The following LDAH variants were observed in gnomAD, a reference collection of about 807,000 sequenced individuals.
The protein encoded by LDAH is lipid droplet-associated hydrolase.
LDAH carries 26 observed loss-of-function variants against 29.6 expected under a neutral mutation model. That is an observed-to-expected ratio of 0.88 (90% CI 0.64 to 1.22). The LOEUF is 1.22. Ranked by LOEUF, LDAH falls within the 50% of genes most tolerant of loss-of-function variation. The probability of loss-of-function intolerance (pLI) is 0.00; values close to 1 mark genes in which losing one functional copy is unlikely to be tolerated. For missense variants in LDAH, 344 were observed against 387.3 expected (o/e 0.89, Z 0.94); for synonymous variants, 117 against 133.0 (o/e 0.88, Z 0.83).
At chr2:20,699,922 C>T (rs1663792975) in intron 6 of LDAH, among the ~76,000 whole-genome samples, 1 of 152,180 alleles carries the variant, frequency 6.6e-6, no homozygotes, top group African/African-American at 2.4e-5. Context: ...AACACACAAG[C>T]TGAATCCAGA....
intron 5 of LDAH, among the ~76,000 whole-genome samples, chr2:20,716,720 G>GTATATATATATATATAGATATATATA (rs1362301507): frequency 7.6e-6 from 1 of 131,294 alleles, no homozygotes; most frequent in Non-Finnish European, 1.7e-5. Context: ...AGAACTTTAA[G>GTATATATATATATATAGATATATATA]TATATATACA....
chr2:20,705,717 CAT>C (rs1664254129), intron 5 of LDAH, among the ~76,000 whole-genome samples: 1 of 152,138 alleles, frequency 6.6e-6, no homozygotes, highest in African/African-American at 2.4e-5. Context: ...CTACTATAAA[CAT>C]GTGCTCTGTA....
chr2:20,743,325 T>TTA (rs1558434340), intron 4 of LDAH, among the ~76,000 whole-genome samples: 5 of 145,466 alleles, frequency 3.4e-5, no homozygotes, highest in African/African-American at 1.4e-4. Flanking sequence ...TTTTTTTTTT[T>TTA]TTATTATACT....
chr2:20,700,104 T>C (rs1025618375), intron 6 of LDAH, among the ~76,000 whole-genome samples: 10 of 152,250 alleles, frequency 6.6e-5, no homozygotes, highest in African/African-American at 2.2e-4. Flanking sequence ...AGAACTTAAA[T>C]GCATTTTTGA....
chr2:20,685,068 A>G lies in LDAH; in HGVS notation c.*1835T>C. The G allele has an allele frequency of 1.0e-6, 1 of 984,940 alleles. No homozygotes were observed. The highest frequency in any genetic ancestry group is 2.9e-5 in the South Asian group (1 of 34,624). 61.0% of individuals were successfully genotyped at this position (984,940 alleles called of 1,614,324 possible). On this transcript the variant is annotated 3_prime_UTR_variant, in exon 7 of 7. Transcript: ENST00000237822. Reference sequence around the variant, plus strand: ...AGACCAGGTCAGAAATGCTGGTAAAACATTTATTTCAAAAATTCATTTGGT... The same window carrying G: ...AGACCAGGTCAGAAATGCTGGTAAAGCATTTATTTCAAAAATTCATTTGGT...
chr2:20,775,071 T>C, intron 3 of LDAH, 92 bp from the exon 4 acceptor site: 2 of 1,155,348 alleles, frequency 1.7e-6, no homozygotes, highest in South Asian at 1.6e-5. Context: ...TAAAAAGCAG[T>C]TACCATTTAT....
chr2:20,737,375 G>C (rs1666863584), intron 5 of LDAH, among the ~76,000 whole-genome samples: 1 of 152,126 alleles, frequency 6.6e-6, no homozygotes, highest in Non-Finnish European at 1.5e-5. Flanking sequence ...CATAACTGAA[G>C]AATGCTTTAT....
chr2:20,813,329 G>A lies in LDAH; in HGVS notation c.-3+9708C>T, dbSNP rs114388785. Among the ~76,000 whole-genome samples, 944 of 152,214 alleles carry A rather than the reference G, an allele frequency of 6.2e-3. 14 individuals carry two copies. The highest frequency in any genetic ancestry group is 0.021 in the African/African-American group (882 of 41,556). On this transcript the variant is annotated intron_variant, in intron 1 of 6. Transcript: ENST00000237822. ...GTATTTTTTCATGAATGAGTTGCCAGTGTTTGACAAATAGTAGCATATTAT... is the reference window on the plus strand; with the variant it reads ...GTATTTTTTCATGAATGAGTTGCCAATGTTTGACAAATAGTAGCATATTAT...
intron 4 of LDAH, among the ~76,000 whole-genome samples, chr2:20,743,753 C>T (rs536951923): frequency 6.6e-6 from 1 of 151,828 alleles, no homozygotes; most frequent in East Asian, 1.9e-4. Flanking sequence ...TGATGTCTGA[C>T]ATTAATTTAA....
intron 4 of LDAH, among the ~76,000 whole-genome samples, chr2:20,746,466 C>A (rs1437406): frequency 6.6e-6 from 1 of 151,916 alleles, no homozygotes; most frequent in Non-Finnish European, 1.5e-5. Context: ...ACATTGAATG[C>A]GTCACTGCCT....
At chr2:20,741,511 T>C (rs889562907) in intron 4 of LDAH, among the ~76,000 whole-genome samples, 1 of 152,212 alleles carries the variant, frequency 6.6e-6, no homozygotes, top group Admixed American at 6.5e-5. Context: ...TCATTTGTTA[T>C]AAAGGCTGTT....
rs542257029 is a variant in LDAH, at chr2:20,708,761, T to C, written c.704-7109A>G. On this transcript the variant is annotated intron_variant, in intron 5 of 6. Transcript: ENST00000237822. ...AAAGAGAAATACATCTTTGTGACCT[T>C]AGATTACAGAATGGTTTGTAACTAT... Among the ~76,000 whole-genome samples the C allele has an allele frequency of 2.6e-5, 4 of 152,294 alleles. No homozygotes were observed. In the East Asian group the frequency reaches 5.8e-4, roughly 22 times the overall value.
chr2:20,749,313 C>A (rs184450948), intron 4 of LDAH, among the ~76,000 whole-genome samples: 1 of 152,274 alleles, frequency 6.6e-6, no homozygotes, highest in East Asian at 1.9e-4. Flanking sequence ...ACTGAGTACA[C>A]AAGCAAAGTG....
chr2:20,785,994 TAATAAGTATATATCTG>T (rs1670522166), intron 3 of LDAH, among the ~76,000 whole-genome samples: 1 of 152,184 alleles, frequency 6.6e-6, no homozygotes, highest in South Asian at 2.1e-4. Context: ...CTAAAATTGG[TAATAAGTATATATCTG>T]ACTCTGGTTC....
At chr2:20,718,460 G>A (rs560434107) in intron 5 of LDAH, among the ~76,000 whole-genome samples, 7 of 152,116 alleles carry the variant, frequency 4.6e-5, no homozygotes, top group South Asian at 4.2e-4. Context: ...TCAGCAAGAC[G>A]ATATTACATT....
chr2:20,806,394 G>A (rs1672068003), intron 1 of LDAH, among the ~76,000 whole-genome samples: 2 of 152,124 alleles, frequency 1.3e-5, no homozygotes, highest in Non-Finnish European at 2.9e-5. Context: ...ACCTTCATTA[G>A]TGCTATTCCT....
intron 2 of LDAH, among the ~76,000 whole-genome samples, chr2:20,795,948 CACACA>C (rs1671276608): frequency 1.7e-4 from 2 of 11,792 alleles, no homozygotes; most frequent in Non-Finnish European, 2.1e-4. Flanking sequence ...AAACCTGCCA[CACACA>C]CACACACACA....
chr2:20,712,363 A>G (rs1334811671), intron 5 of LDAH, among the ~76,000 whole-genome samples: 1 of 152,242 alleles, frequency 6.6e-6, no homozygotes, highest in Non-Finnish European at 1.5e-5. Context: ...GGACATCCAC[A>G]CCAAAACCCC....
intron 6 of LDAH, among the ~76,000 whole-genome samples, chr2:20,695,541 C>A (rs563842628): frequency 6.6e-6 from 1 of 151,866 alleles, no homozygotes; most frequent in Non-Finnish European, 1.5e-5. Context: ...CAACCTCCCC[C>A]TCCTGGGTTC....
Sources: gnomAD v4.1 joint callset for allele counts (sites outside exome capture counted in the v4.1 genomes callset) on GRCh38, gnomAD v4.1.1 for gene constraint, MANE v1.5 for transcripts, NCBI Gene and HGNC (gene_info 2026-07-23, HGNC 2026-07-21) for gene names.